CERS4: variants seen among roughly 807,000 people sequenced by gnomAD.
The protein encoded by CERS4 is ceramide synthase 4, also known as LAG1 homolog, ceramide synthase 4.
In CERS4, 65 loss-of-function variants were observed where a neutral mutation model predicts 51.8. That is an observed-to-expected ratio of 1.26 (90% CI 1.03 to 1.54). The LOEUF (loss-of-function observed/expected upper bound fraction) is 1.54, where lower values mean the gene tolerates loss of function less well. Among genes scored for constraint, CERS4 ranks in the 40% most tolerant of loss-of-function variants. The probability of loss-of-function intolerance (pLI) is 0.00; values close to 1 mark genes in which losing one functional copy is unlikely to be tolerated. For missense variants in CERS4, 563 were observed against 500.4 expected, an observed-to-expected ratio of 1.13 and a Z score of -1.19; for synonymous variants, 228 against 208.4, an observed-to-expected ratio of 1.09 and a Z score of -0.81.
chr19:8,252,378 A>AAG (rs1324763731), intron 3 of CERS4, among the ~76,000 whole-genome samples: 3 of 151,012 alleles, frequency 2.0e-5, no homozygotes, highest in Non-Finnish European at 4.4e-5. Flanking sequence ...CTAAAAAAAA[A>AAG]AAGAACAAAA....
chr19:8,247,202 G>A (rs982385586), intron 2 of CERS4, among the ~76,000 whole-genome samples: 3 of 151,952 alleles, frequency 2.0e-5, no homozygotes, highest in African/African-American at 4.8e-5. Flanking sequence ...TCTTCCCTGC[G>A]GCCCCCATGC....
At chr19:8,244,899 C>T (rs989216060) in intron 2 of CERS4, among the ~76,000 whole-genome samples, 7 of 151,940 alleles carry the variant, frequency 4.6e-5, no homozygotes, top group African/African-American at 1.7e-4. Flanking sequence ...AATCCCAGCA[C>T]TTTCGGAGGC....
rs1047201137 is a variant in CERS4 at position 8,219,005 on chromosome 19, G to A, written c.-2+8143G>A. 3.3e-5 allele frequency among the ~76,000 whole-genome samples: 5 copies of A among 152,122 alleles called. No homozygotes were observed. In the South Asian group the frequency reaches 8.3e-4, roughly 25 times the overall value. The stretch of plus-strand genomic sequence containing the variant: ...GAGGATCACTTGAGGCCAGGAGTTC[G>A]AGACCAGCCTGGCCAACGTGGTAAA... On this transcript the variant is annotated intron_variant, in intron 2 of 11. Coordinates refer to ENST00000251363, the MANE Select transcript of CERS4 (RefSeq NM_024552.3).
chr19:8,234,542 ATTTTTTTTTTTTTTT>A (rs35971828), intron 2 of CERS4, among the ~76,000 whole-genome samples: 14 of 54,178 alleles, frequency 2.6e-4, no homozygotes, highest in Admixed American at 2.6e-3. Flanking sequence ...CCACCATTCT[ATTTTTTTTTTTTTTT>A]TTTTTTTTTT....
chr19:8,229,517 C>G (rs747228563), intron 2 of CERS4, among the ~76,000 whole-genome samples: 7 of 152,112 alleles, frequency 4.6e-5, no homozygotes, highest in Non-Finnish European at 7.3e-5. Context: ...AAGTGATTCT[C>G]CTGCCTCATC....
At chr19:8,222,647 C>G (rs1490823511) in intron 2 of CERS4, among the ~76,000 whole-genome samples, 2 of 151,988 alleles carry the variant, frequency 1.3e-5, no homozygotes, top group Non-Finnish European at 2.9e-5. Flanking sequence ...TACAGGCATG[C>G]GCCACCACAC....
chr19:8,250,943 G>A, intron 2 of CERS4, 133 bp from the exon 3 acceptor site: 1 of 1,469,390 alleles, frequency 6.8e-7, no homozygotes, highest in Non-Finnish European at 9.0e-7. Context: ...CCATCTTCCA[G>A]TCCTGCCTCC....
chr19:8,245,115 A>AAAACAAAAAAAACAAAAAAAAAC (rs1968705588), intron 2 of CERS4, among the ~76,000 whole-genome samples: 3 of 128,986 alleles, frequency 2.3e-5, no homozygotes, highest in Non-Finnish European at 5.4e-5. Context: ...CCATCTCAAA[A>AAAACAAAAAAAACAAAAAAAAAC]AAAAAAAAAA....
intron 2 of CERS4, among the ~76,000 whole-genome samples, chr19:8,217,605 C>T (rs1184795554): frequency 3.3e-5 from 5 of 149,902 alleles, no homozygotes; most frequent in African/African-American, 7.4e-5. Context: ...GACTCCATCT[C>T]GGCTCACTGC....
intron 3 of CERS4, among the ~76,000 whole-genome samples, chr19:8,252,438 CTAACTT>C (rs950157971): frequency 2.8e-5 from 1 of 36,008 alleles, no homozygotes; most frequent in Non-Finnish European, 7.3e-5. Flanking sequence ...CCATGGCTGG[CTAACTT>C]TTTTTTTTTT....
intron 2 of CERS4, among the ~76,000 whole-genome samples, chr19:8,228,199 C>T (rs1015015719): frequency 7.9e-5 from 12 of 151,590 alleles, no homozygotes; most frequent in African/African-American, 2.9e-4. Context: ...CCCAAAGTGC[C>T]GAGATGACAG....
At chr19:8,225,020 C>A (rs534078919) in intron 2 of CERS4, 2 of 152,410 alleles carry the variant, frequency 1.3e-5, no homozygotes, top group East Asian at 3.9e-4. Context: ...TTGGCTTTGG[C>A]GGGATGGTGA....
rs1330972066 is a variant in CERS4 at position 8,250,350 on chromosome 19, G to A, written c.-1-726G>A. Among the ~76,000 whole-genome samples, 6 of 152,302 alleles carry A rather than the reference G, an allele frequency of 3.9e-5. No individual in the cohort carries two copies. In the South Asian group the frequency reaches 1.2e-3, roughly 32 times the overall value. On this transcript the variant is annotated intron_variant, in intron 2 of 11. Transcript: ENST00000251363. ...CATCTTGGCATCAGTTAAGTGCAGA[G>A]TAATAACTACTATTTTGGGCTGTGT...
At chr19:8,239,703 T>C (rs1968442815) in intron 2 of CERS4, 1 of 152,028 alleles carries the variant, frequency 6.6e-6, no homozygotes, top group African/African-American at 2.4e-5. Flanking sequence ...CACGTTTCCT[T>C]TATGGGAATG....
chr19:8,260,827 T>C (rs2145343743), intron 10 of CERS4, among the ~76,000 whole-genome samples: 1 of 151,670 alleles, frequency 6.6e-6, no homozygotes, highest in Non-Finnish European at 1.5e-5. Context: ...GGCAGGGGCC[T>C]ATAATCCCAG....
intron 3 of CERS4, among the ~76,000 whole-genome samples, chr19:8,253,756 G>T (rs919808876): frequency 3.9e-5 from 6 of 151,952 alleles, no homozygotes; most frequent in African/African-American, 1.4e-4. Context: ...ACACCCAGAT[G>T]ATTTTGTATT....
Position 8,213,639 on chromosome 19 carries a change from A to G in CERS4, c.-2+2777A>G, listed in dbSNP as rs542081295. 3.9e-5 allele frequency among the ~76,000 whole-genome samples: 6 copies of G among 152,148 alleles called. No individual in the cohort carries two copies. The East Asian group carries it at 1.2e-3, about 29-fold the overall frequency. ...AGGCTTTTCTTTGCCATCCTTGAAT[A>G]GGCCCCTCAGACCCATCATGGCTCT... On this transcript the variant is annotated intron_variant, in intron 2 of 11. Coordinates refer to ENST00000251363, the MANE Select transcript of CERS4 (RefSeq NM_024552.3).
chr19:8,259,634 C>G (rs560961393), intron 10 of CERS4, among the ~76,000 whole-genome samples: 80 of 152,144 alleles, frequency 5.3e-4, no homozygotes, highest in African/African-American at 1.9e-3. Context: ...CCTCTGGGAT[C>G]AGGAGGTGGG....
In CERS4 at chr19:8,262,248, T is replaced by G; in HGVS notation, c.*139T>G. 1.1e-6 allele frequency: 1 copy of G among 909,050 alleles called. No individual in the cohort carries two copies. Among genetic ancestry groups the G allele is most frequent in the Non-Finnish European group, 1.5e-6 (1 of 652,360 alleles). 56.3% of individuals were successfully genotyped at this position (909,050 alleles called of 1,614,324 possible). On this transcript the variant is annotated 3_prime_UTR_variant, in exon 12 of 12. Transcript: ENST00000251363. ...GGGGTGGGTGGGAAGGCTGATGATC[T>G]GTCTCCAGCCCCTTCCTTCTGCCCA...
Sources: allele counts gnomAD v4.1 joint callset (sites outside exome capture counted in the v4.1 genomes callset), GRCh38; gene constraint gnomAD v4.1.1; transcripts MANE v1.5; gene names NCBI Gene and HGNC (gene_info 2026-07-23, HGNC 2026-07-21).